Variants in NCOA7 observed in about 807,000 individuals in gnomAD.
NCOA7 encodes nuclear receptor coactivator 7.
NCOA7 carries 45 observed loss-of-function variants against 104.3 expected under a neutral mutation model. The ratio of observed to expected loss-of-function variants is 0.43; its 90% CI spans 0.34 to 0.55. NCOA7 has a LOEUF of 0.55. Ranked by LOEUF, NCOA7 falls within the 20% of genes least tolerant of loss-of-function variation. The probability of loss-of-function intolerance (pLI) is 0.02; values close to 1 mark genes in which losing one functional copy is unlikely to be tolerated. For synonymous variants in NCOA7, 398 were observed against 402.3 expected, an observed-to-expected ratio of 0.99 and a Z score of 0.13; for missense variants, 1,041 against 1,119.7, an observed-to-expected ratio of 0.93 and a Z score of 1.00.
chr6:125,822,432 TG>T (rs1435205407), intron 2 of NCOA7, among the ~76,000 whole-genome samples: 3 of 152,230 alleles, frequency 2.0e-5, no homozygotes, highest in Non-Finnish European at 4.4e-5. Context: ...ATCCTTAAAA[TG>T]ATCCTACAAA....
upstream of NCOA7, among the ~76,000 whole-genome samples, chr6:125,787,577 G>T (rs1774530630): frequency 6.6e-6 from 1 of 152,102 alleles, no homozygotes; most frequent in Non-Finnish European, 1.5e-5. Flanking sequence ...TCATACAAAG[G>T]TTGTTTATTC....
At chr6:125,801,024 G>T (rs1398746961) in intron 1 of NCOA7, among the ~76,000 whole-genome samples, 1 of 152,202 alleles carries the variant, frequency 6.6e-6, no homozygotes, top group Non-Finnish European at 1.5e-5. Flanking sequence ...GACAGAGTGA[G>T]ACGCCATCTC....
intron 2 of NCOA7, among the ~76,000 whole-genome samples, chr6:125,825,804 T>C (rs1350130392): frequency 6.6e-6 from 1 of 152,156 alleles, no homozygotes; most frequent in East Asian, 1.9e-4. Context: ...CTGCTGTCAC[T>C]AGACAATAAG....
intron 3 of NCOA7, 107 bp downstream of exon 3, chr6:125,855,347 G>A (rs1472849148): frequency 1.1e-6 from 1 of 870,046 alleles, no homozygotes; most frequent in Non-Finnish European, 1.8e-6. Flanking sequence ...AGTTTATGGA[G>A]CAGCTGCTAT....
chr6:125,794,098 C>A (rs1268089), intron 1 of NCOA7, among the ~76,000 whole-genome samples: 17 of 152,088 alleles, frequency 1.1e-4, no homozygotes, highest in African/African-American at 4.1e-4. Context: ...TAACACCCCC[C>A]CATATGCCCA....
chr6:125,890,700 A>G lies in NCOA7; in HGVS notation c.1986A>G (p.Lys662=), dbSNP rs1052376051. The G allele has an allele frequency of 6.2e-7, 1 of 1,613,882 alleles. No individual in the cohort carries two copies. The highest frequency in any genetic ancestry group is 1.3e-5 in the African/African-American group (1 of 75,030). The change falls in exon 10 of 16, where the codon AAA becomes AAG. Residue 662 remains lysine (K), a synonymous_variant. Coordinates refer to ENST00000392477, the MANE Select transcript of NCOA7 (RefSeq NM_181782.5). Reference sequence around the variant, plus strand: ...CCCCACCCATGTTCCTGTGCATCAAAGTGGGAAAACCAATGAGAAAATCCT... The same window carrying G: ...CCCCACCCATGTTCCTGTGCATCAAGGTGGGAAAACCAATGAGAAAATCCT... ...SKTPPMFLCI[K]VGKPMRKSFA... is the part of the protein sequence containing the mutation.
intron 2 of NCOA7, among the ~76,000 whole-genome samples, chr6:125,816,304 G>C (rs774538676): frequency 1.3e-5 from 2 of 152,184 alleles, no homozygotes; most frequent in Non-Finnish European, 2.9e-5. Flanking sequence ...ACTATGTACT[G>C]AGTGTTTTAC....
intron 1 of NCOA7, among the ~76,000 whole-genome samples, chr6:125,814,939 G>A (rs1050553828): frequency 6.6e-6 from 1 of 152,176 alleles, no homozygotes; most frequent in African/African-American, 2.4e-5. Context: ...CTTGGGAAGA[G>A]TGATTATGAG....
chr6:125,919,216 A>G, intron 11 of NCOA7: 1 of 1,574,830 alleles, frequency 6.3e-7, no homozygotes, highest in East Asian at 2.3e-5. Context: ...TGAGGGAAAC[A>G]GAAACTCAAT....
At chr6:125,922,924 C>A in intron 13 of NCOA7, 90 bp downstream of exon 13, 1 of 1,179,244 alleles carries the variant, frequency 8.5e-7, no homozygotes, top group South Asian at 1.9e-5. Flanking sequence ...ACTTCCATCA[C>A]CCAGATTCCA....
intron 8 of NCOA7, 72 bp from the exon 9 acceptor site, chr6:125,888,867 T>C: frequency 8.4e-7 from 1 of 1,197,396 alleles, no homozygotes; most frequent in Non-Finnish European, 1.1e-6. Flanking sequence ...TTTTGTTTTT[T>C]GCCTTTCCTC....
chr6:125,893,531 C>G (rs1019521932), intron 10 of NCOA7, among the ~76,000 whole-genome samples: 1 of 151,952 alleles, frequency 6.6e-6, no homozygotes, highest in Non-Finnish European at 1.5e-5. Context: ...ACAATGTACC[C>G]TATGGGTTTC....
At chr6:125,912,612 C>T (rs1040760630) in intron 10 of NCOA7, among the ~76,000 whole-genome samples, 7 of 152,132 alleles carry the variant, frequency 4.6e-5, no homozygotes, top group Non-Finnish European at 5.9e-5. Context: ...CAAAAGAGCA[C>T]GTTGCATTAA....
chr6:125,838,956 C>T (rs1779868197), intron 2 of NCOA7, among the ~76,000 whole-genome samples: 1 of 152,058 alleles, frequency 6.6e-6, no homozygotes, highest in African/African-American at 2.4e-5. Flanking sequence ...AGGGGTGGTG[C>T]CAACAAGCTT....
At chr6:125,850,001 T>G (rs924045121) in intron 2 of NCOA7, among the ~76,000 whole-genome samples, 1 of 152,190 alleles carries the variant, frequency 6.6e-6, no homozygotes, top group Non-Finnish European at 1.5e-5. Flanking sequence ...TTTTTTCAGT[T>G]TATCTTAAGT....
intron 10 of NCOA7, among the ~76,000 whole-genome samples, chr6:125,910,562 C>T (rs1026850369): frequency 3.9e-5 from 6 of 152,116 alleles, no homozygotes; most frequent in Admixed American, 1.3e-4. Flanking sequence ...TAATTCTACA[C>T]GGCAAAAATA....
At chr6:125,841,444 A>T (rs1054070055) in intron 2 of NCOA7, among the ~76,000 whole-genome samples, 3 of 152,086 alleles carry the variant, frequency 2.0e-5, no homozygotes, top group African/African-American at 7.2e-5. Context: ...AGGCATGATT[A>T]TATTTATTTA....
At chr6:125,834,202 A>T (rs1224891975) in intron 2 of NCOA7, among the ~76,000 whole-genome samples, 2 of 152,212 alleles carry the variant, frequency 1.3e-5, no homozygotes, top group Admixed American at 1.3e-4. Flanking sequence ...AAAAGTTCTC[A>T]TGATACAATT....
chr6:125,912,829 T>C (rs1052909175), intron 10 of NCOA7, among the ~76,000 whole-genome samples: 2 of 152,162 alleles, frequency 1.3e-5, no homozygotes, highest in African/African-American at 2.4e-5. Flanking sequence ...AAAATACATA[T>C]TCATATTTAT....
Sources: gnomAD v4.1 joint callset for allele counts (sites outside exome capture counted in the v4.1 genomes callset) on GRCh38, gnomAD v4.1.1 for gene constraint, MANE v1.5 for transcripts, NCBI Gene and HGNC (gene_info 2026-07-23, HGNC 2026-07-21) for gene names.